The following KEAP1 variants were observed in gnomAD, a reference collection of about 807,000 sequenced individuals.
KEAP1 encodes the protein kelch-like ECH-associated protein 1.
KEAP1 carries 26 observed loss-of-function variants against 59.7 expected under a neutral mutation model. The observed-to-expected ratio is 0.44, with a 90% CI of 0.32 to 0.60. The LOEUF (loss-of-function observed/expected upper bound fraction) is 0.60, where lower values mean the gene tolerates loss of function less well. Ranked by LOEUF, KEAP1 falls within the 20% of genes least tolerant of loss-of-function variation. KEAP1 has a pLI of 0.06. For synonymous variants in KEAP1, 350 were observed against 358.3 expected (o/e 0.98, Z 0.26); for missense variants, 539 against 871.4 (o/e 0.62, Z 4.80).
intron 2 of KEAP1, 54 bp from the exon 3 acceptor site, chr19:10,492,316 C>A (rs1331981584): frequency 1.9e-5 from 26 of 1,358,732 alleles, no homozygotes; most frequent in Non-Finnish European, 2.4e-5. Flanking sequence ...CCACACCTCA[C>A]CAAGCAGGAC....
chr19:10,500,002 C>T lies in KEAP1; in HGVS notation c.32G>A (p.Gly11Glu). 1 of 1,571,196 alleles carries T rather than the reference C, an allele frequency of 6.4e-7. No homozygotes were observed. Among genetic ancestry groups the T allele is most frequent in the South Asian group, 1.2e-5 (1 of 85,802 alleles). The change falls in exon 2 of 6, where the codon GGG (glycine) becomes GAG (glutamate). Residue 11 changes from glycine to glutamate, a missense_variant. Transcript: ENST00000171111. ...CAGGGGCAGGAATCGGCAGCAGGCC[C>T]CAGCCCCGCTAGGCCTGGGATCTGG... MQPDPRPSGAGACCRFLPLQS... is the reference protein window; with the variant it reads MQPDPRPSGAEACCRFLPLQS...
intron 1 of KEAP1, among the ~76,000 whole-genome samples, chr19:10,500,337 C>G (rs189275590): frequency 5.3e-5 from 8 of 152,184 alleles, no homozygotes; most frequent in African/African-American, 1.9e-4. Context: ...CCTAGTAAAA[C>G]TGAACTCCTC....
At chr19:10,498,358 C>A (rs1282640823) in intron 2 of KEAP1, among the ~76,000 whole-genome samples, 2 of 151,950 alleles carry the variant, frequency 1.3e-5, no homozygotes, top group Non-Finnish European at 2.9e-5. Flanking sequence ...TGCCACTACA[C>A]CCGGCTAGTT....
chr19:10,494,400 G>A (rs1474286403), intron 2 of KEAP1, among the ~76,000 whole-genome samples: 4 of 139,474 alleles, frequency 2.9e-5, no homozygotes, highest in African/African-American at 2.7e-5. Context: ...GTGCAATCTC[G>A]GCTCACTGCA....
rs372945419 is a variant in KEAP1, at chr19:10,489,737, G to T, written c.1442C>A (p.Thr481Lys). ...LLYAVGGFDG[T>K]NRLNSAECYY... ...ACACTCAGCTGAATTAAGGCGGTTTGTCCCGTCAAAGCCCCCCACGGCATA... is the reference window on the plus strand; with the variant it reads ...ACACTCAGCTGAATTAAGGCGGTTTTTCCCGTCAAAGCCCCCCACGGCATA... The change falls in exon 4 of 6, where the codon ACA becomes AAA. Residue 481 changes from threonine to lysine, a missense_variant. Physicochemically the swap from Thr to Lys is moderately conservative, Grantham distance 78. Transcript: ENST00000171111. The T allele has an allele frequency of 2.5e-6, 4 of 1,613,892 alleles. No homozygotes were observed. The African/African-American group carries it at 5.3e-5, about 22-fold the overall frequency.
intron 2 of KEAP1, among the ~76,000 whole-genome samples, chr19:10,498,876 C>A (rs1027547541): frequency 6.6e-6 from 1 of 150,904 alleles, no homozygotes; most frequent in Non-Finnish European, 1.5e-5. Context: ...TGCTCTGTTG[C>A]GCAAGCTGGA....
rs2144630477 is a variant in KEAP1, at chr19:10,499,933, G to A, written c.101C>T (p.Ala34Val). ...CACCTCCGCCTTGCACTCAGTGGAG[G>A]CGTACATCACCGCGTCCCCTGCCCC... Reference protein sequence around the residue: ...PEGAGDAVMYASTECKAEVTP... With the variant: ...PEGAGDAVMYVSTECKAEVTP... The change falls in exon 2 of 6, where the codon GCC (alanine) becomes GTC (valine). Residue 34 changes from alanine to valine, a missense_variant. By Grantham distance (64) the Ala-to-Val change is moderately conservative (BLOSUM62 0). Coordinates refer to ENST00000171111, the MANE Select transcript of KEAP1 (RefSeq NM_203500.2). The surrounding 1 kb of genome is among the most constrained non-coding windows in gnomAD (Gnocchi z 6.7). 6.2e-7 allele frequency: 1 copy of A among 1,611,660 alleles called. No homozygotes were observed. The highest frequency in any genetic ancestry group is 8.5e-7 in the Non-Finnish European group (1 of 1,178,620).
chr19:10,491,604 C>A lies in KEAP1; in HGVS notation c.1298G>T (p.Gly433Val), dbSNP rs2144596364. Residue 433 changes from glycine (G) to valine (V), a missense_variant, in exon 3 of 6, where the codon GGC becomes GTC. By Grantham distance (109) the Gly-to-Val change is moderately radical. Coordinates refer to ENST00000171111, the MANE Select transcript of KEAP1 (RefSeq NM_203500.2). The surrounding 1 kb of genome is among the most constrained non-coding windows in gnomAD (Gnocchi z 5.2). ...GHIYAVGGSHGCIHHNSVERY... is the reference protein window; with the variant it reads ...GHIYAVGGSHVCIHHNSVERY... ...CTCCACACTGTTGTGGTGGATGCAG[C>A]CGTGGGAGCCGCCGACGGCATAGAT... 1 of 1,577,022 alleles carries A rather than the reference C, an allele frequency of 6.3e-7. No individual in the cohort carries two copies.
intron 2 of KEAP1, among the ~76,000 whole-genome samples, chr19:10,495,782 CA>C (rs1914828339): frequency 6.6e-6 from 1 of 151,984 alleles, no homozygotes. Flanking sequence ...GTAACTTGGG[CA>C]AATCTCTGAA....
intron 2 of KEAP1, among the ~76,000 whole-genome samples, chr19:10,494,588 C>T (rs1268081615): frequency 1.3e-5 from 2 of 149,194 alleles, no homozygotes; most frequent in Admixed American, 6.7e-5. Context: ...CTGCCTGCCT[C>T]GGCCTCCCAA....
In KEAP1 at chr19:10,491,110, C is replaced by T. The variant is rs907733384; in HGVS notation, c.1325+467G>A. 1 of 155,042 alleles carries T rather than the reference C, an allele frequency of 6.4e-6. No individual in the cohort carries two copies. 9.6% of individuals were successfully genotyped at this position (155,042 alleles called of 1,614,324 possible). A position where few individuals can be genotyped will look rare whatever the true frequency, so the allele number is the denominator to read the frequency against. ...GGTGGGTACTTGTAGTCCCAGCTAC[C>T]CCAGGGTCTGAGGCAGGAGAATCAC... is the stretch of plus-strand genomic sequence containing the variant. On this transcript the variant is annotated intron_variant, in intron 3 of 5. Transcript: ENST00000171111. This position sits in a 1 kb window ranked among gnomAD's most constrained non-coding sequence, Gnocchi z 5.2.
Position 10,489,862 on chromosome 19 carries a change from G to A in KEAP1, c.1326-9C>T, listed in dbSNP as rs1317743367. 6.2e-7 allele frequency: 1 copy of A among 1,610,876 alleles called. No homozygotes were observed. Among genetic ancestry groups the A allele is most frequent in the Non-Finnish European group, 8.5e-7 (1 of 1,178,512 alleles). On this transcript the variant is annotated splice_polypyrimidine_tract_variant and intron_variant, in intron 3 of 5. Coordinates refer to ENST00000171111, the MANE Select transcript of KEAP1 (RefSeq NM_203500.2). ...CCCGCTCTGGCTCATACCTGCAAGGGCGTAAGAAAAATGGGGACAATGGCC... is the reference window on the plus strand; with the variant it reads ...CCCGCTCTGGCTCATACCTGCAAGGACGTAAGAAAAATGGGGACAATGGCC...
intron 5 of KEAP1, among the ~76,000 whole-genome samples, chr19:10,488,860 G>A (rs1428596619): frequency 6.6e-6 from 1 of 151,678 alleles, no homozygotes; most frequent in African/African-American, 2.4e-5. Context: ...GAACCCAGGA[G>A]GTGGAGGTTG....
At position 10,487,521 on chromosome 19, in the gene KEAP1, T is replaced by C. The variant is rs1009576524; in HGVS notation, c.1709-703A>G. Among the ~76,000 whole-genome samples the C allele has an allele frequency of 2.0e-5, 3 of 151,474 alleles. No individual in the cohort carries two copies. In the East Asian group the frequency reaches 5.9e-4, roughly 30 times the overall value. On this transcript the variant is annotated intron_variant, in intron 5 of 5. Transcript: ENST00000171111. ...AAAATACAAAATTAGATGCGATTGGTGATGCACGCCTGTAATCTCAGCTAC... is the reference window on the plus strand; with the variant it reads ...AAAATACAAAATTAGATGCGATTGGCGATGCACGCCTGTAATCTCAGCTAC...
intron 2 of KEAP1, among the ~76,000 whole-genome samples, chr19:10,498,668 C>G (rs916242527): frequency 2.0e-4 from 31 of 152,192 alleles, no homozygotes; most frequent in Admixed American, 7.2e-4. Context: ...TGCTGACTGC[C>G]CGAAAGGCTG....
In KEAP1 at chr19:10,498,669, C is replaced by G. The variant is rs948994671; in HGVS notation, c.639+726G>C. Among the ~76,000 whole-genome samples the G allele has an allele frequency of 2.0e-5, 3 of 152,058 alleles. No individual in the cohort carries two copies. The East Asian group carries it at 5.8e-4, about 29-fold the overall frequency. On this transcript the variant is annotated intron_variant, in intron 2 of 5. Transcript: ENST00000171111. ...GTCCAATAAACATTTGCTGACTGCC[C>G]GAAAGGCTGGGCTACCCTAGGATTT...
rs11085735 is a variant in KEAP1 at position 10,491,504 on chromosome 19, A to C, written c.1325+73T>G. ...AAGAGGAAACAGCCTCAGGAAGAATACCCGGATCTCAGTGTCTTGGGACTT... is the reference window on the plus strand; with the variant it reads ...AAGAGGAAACAGCCTCAGGAAGAATCCCCGGATCTCAGTGTCTTGGGACTT... On this transcript the variant is annotated intron_variant, in intron 3 of 5. Transcript: ENST00000171111. The surrounding 1 kb of genome is among the most constrained non-coding windows in gnomAD (Gnocchi z 5.2). 0.93 allele frequency: 1,199,020 copies of C among 1,290,536 alleles called. 557,405 individuals are homozygous for C. Among genetic ancestry groups the C allele is most frequent in the East Asian group, 1 (39,168 of 39,184 alleles). The allele number at this position is 1,290,536 out of a possible 1,614,324, so 79.9% of individuals were successfully genotyped here.
intron 5 of KEAP1, 52 bp from the exon 6 acceptor site, chr19:10,486,870 G>A (rs762316763): frequency 1.1e-5 from 17 of 1,564,942 alleles, no homozygotes; most frequent in Non-Finnish European, 1.3e-5. Context: ...ACATCCAAGA[G>A]CAGGGGACAG....
intron 2 of KEAP1, among the ~76,000 whole-genome samples, chr19:10,496,325 ATC>A (rs1914848936): frequency 6.7e-6 from 1 of 149,500 alleles, no homozygotes; most frequent in African/African-American, 2.5e-5. Flanking sequence ...GTGAAACCCC[ATC>A]TCTACAAAAA....
Sources: gnomAD v4.1 joint callset for allele counts (sites outside exome capture counted in the v4.1 genomes callset) on GRCh38, gnomAD v4.1.1 for gene constraint, Gnocchi (gnomAD v3.1) non-coding constraint, MANE v1.5 for transcripts, NCBI Gene and HGNC (gene_info 2026-07-23, HGNC 2026-07-21) for gene names.